Variants in DOCK4 observed in about 807,000 individuals in gnomAD.
DOCK4 encodes the protein dedicator of cytokinesis 4, also known as dedicator of cytokinesis protein 4.
In DOCK4, 97 loss-of-function variants were observed where a neutral mutation model predicts 268.1. That is an observed-to-expected ratio of 0.36 (90% CI 0.31 to 0.43). The LOEUF (loss-of-function observed/expected upper bound fraction) is 0.43, where lower values mean the gene tolerates loss of function less well. DOCK4 is among the 20% of genes least tolerant of loss of function. The pLI, the probability that DOCK4 is intolerant of heterozygous loss-of-function variation, is 1.00. For synonymous variants in DOCK4, 954 were observed against 887.2 expected (o/e 1.08, Z -1.34); for missense variants, 2,145 against 2,455.7 (o/e 0.87, Z 2.67).
chr7:112,118,144 A>G (rs1812352472), intron 1 of DOCK4, among the ~76,000 whole-genome samples: 1 of 150,734 alleles, frequency 6.6e-6, no homozygotes, highest in African/African-American at 2.4e-5. Context: ...ATATATATAT[A>G]TATATTTTGT....
At chr7:111,874,840 A>G (rs1806712224) in intron 17 of DOCK4, among the ~76,000 whole-genome samples, 1 of 152,228 alleles carries the variant, frequency 6.6e-6, no homozygotes, top group African/African-American at 2.4e-5. Context: ...GACAACGCAA[A>G]GCGTGTGCAG....
intron 8 of DOCK4, among the ~76,000 whole-genome samples, chr7:111,973,425 CTT>C (rs1313071299): frequency 6.6e-6 from 1 of 151,936 alleles, no homozygotes; most frequent in African/African-American, 2.4e-5. Context: ...TGCAATTAGA[CTT>C]TGAACTCTCA....
intron 26 of DOCK4, among the ~76,000 whole-genome samples, chr7:111,827,298 C>G (rs1402066984): frequency 6.6e-6 from 1 of 151,998 alleles, no homozygotes; most frequent in African/African-American, 2.4e-5. Context: ...TTTCTGTAAT[C>G]AATATATTCA....
At chr7:112,148,484 G>A (rs193189323) in intron 1 of DOCK4, among the ~76,000 whole-genome samples, 1 of 152,246 alleles carries the variant, frequency 6.6e-6, no homozygotes, top group East Asian at 1.9e-4. Flanking sequence ...GCAAAGTTCT[G>A]ATAGAGTCGT....
chr7:112,119,292 T>C (rs945603378), intron 1 of DOCK4, among the ~76,000 whole-genome samples: 1 of 152,162 alleles, frequency 6.6e-6, no homozygotes, highest in African/African-American at 2.4e-5. Flanking sequence ...CTGCCGCTTT[T>C]AGCCTCTGCC....
chr7:111,766,979 G>C, intron 38 of DOCK4, 53 bp downstream of exon 38: 1 of 1,388,728 alleles, frequency 7.2e-7, no homozygotes, highest in Admixed American at 1.8e-5. Context: ...ACACTGGAAA[G>C]CTAATCACAA....
intron 27 of DOCK4, among the ~76,000 whole-genome samples, chr7:111,815,888 C>T (rs1437137127): frequency 6.6e-6 from 1 of 152,086 alleles, no homozygotes; most frequent in Admixed American, 6.5e-5. Flanking sequence ...CCAGGCTGGT[C>T]TCGAACTCCT....
chr7:111,806,948 T>C (rs1482061999), intron 30 of DOCK4, among the ~76,000 whole-genome samples: 8 of 152,084 alleles, frequency 5.3e-5, no homozygotes, highest in Admixed American at 5.2e-4. Context: ...AAAGACAAAA[T>C]ACAGGATAAA....
chr7:111,734,523 C>T (rs781085248), intron 51 of DOCK4, among the ~76,000 whole-genome samples: 35 of 152,176 alleles, frequency 2.3e-4, no homozygotes, highest in Admixed American at 6.6e-5. Context: ...TGAGGGGATG[C>T]GGTACCCTGA....
chr7:112,065,478 C>G (rs1475263529), intron 1 of DOCK4, among the ~76,000 whole-genome samples: 1 of 151,056 alleles, frequency 6.6e-6, no homozygotes, highest in Non-Finnish European at 1.5e-5. Flanking sequence ...CATTATCTTA[C>G]CTGGTAGAAC....
chr7:112,052,883 T>C (rs1226988046), intron 1 of DOCK4, among the ~76,000 whole-genome samples: 2 of 152,150 alleles, frequency 1.3e-5, no homozygotes, highest in Admixed American at 6.5e-5. Context: ...ATAATATATA[T>C]CAAATATAAA....
intron 25 of DOCK4, among the ~76,000 whole-genome samples, chr7:111,835,077 G>A (rs995599213): frequency 1.2e-4 from 19 of 152,250 alleles, no homozygotes; most frequent in Middle Eastern, 6.8e-3. Flanking sequence ...CTATGAGGTA[G>A]GGGGTATAAT....
chr7:111,817,859 C>T (rs755020893), intron 27 of DOCK4, among the ~76,000 whole-genome samples: 4 of 152,140 alleles, frequency 2.6e-5, no homozygotes, highest in African/African-American at 4.8e-5. Flanking sequence ...CCTGTAATTA[C>T]TATTTTCAGT....
chr7:112,090,595 C>A (rs1012947105), intron 1 of DOCK4, among the ~76,000 whole-genome samples: 2 of 152,046 alleles, frequency 1.3e-5, no homozygotes, highest in African/African-American at 4.8e-5. Flanking sequence ...GCAGTAAGGG[C>A]AAATTGGTTA....
intron 13 of DOCK4, among the ~76,000 whole-genome samples, chr7:111,910,946 C>A (rs1477706909): frequency 2.6e-5 from 4 of 152,170 alleles, no homozygotes; most frequent in Non-Finnish European, 2.9e-5. Context: ...AATAGTGAGA[C>A]AAGTGGAGAA....
chr7:111,868,382 G>T (rs1806147144), intron 21 of DOCK4, among the ~76,000 whole-genome samples: 1 of 152,104 alleles, frequency 6.6e-6, no homozygotes. Context: ...AAATTTAAAA[G>T]AAATTTAAAA....
At chr7:111,751,276 A>G (rs900489655) in intron 42 of DOCK4, among the ~76,000 whole-genome samples, 3 of 152,196 alleles carry the variant, frequency 2.0e-5, no homozygotes, top group African/African-American at 7.2e-5. Context: ...GAATCCACAC[A>G]TACGGAAACA....
intron 1 of DOCK4, among the ~76,000 whole-genome samples, chr7:112,162,881 T>C (rs191882159): frequency 8.5e-5 from 13 of 152,304 alleles, no homozygotes; most frequent in Middle Eastern, 3.4e-3. Context: ...TCAAGCACTA[T>C]TGAATTATCC....
intron 1 of DOCK4, among the ~76,000 whole-genome samples, chr7:112,104,100 TC>T (rs1230924075): frequency 6.6e-6 from 1 of 152,136 alleles, no homozygotes; most frequent in Non-Finnish European, 1.5e-5. Context: ...AATTATATTC[TC>T]CCTGCTGAGG....
Sources: allele counts gnomAD v4.1 joint callset (sites outside exome capture counted in the v4.1 genomes callset), GRCh38; gene constraint gnomAD v4.1.1; transcripts MANE v1.5; gene names NCBI Gene and HGNC (gene_info 2026-07-23, HGNC 2026-07-21).